TANC2: variants seen among roughly 807,000 people sequenced by gnomAD.
TANC2 encodes protein TANC2.
A neutral mutation model predicts 210.5 loss-of-function variants in TANC2; 26 were observed. The observed-to-expected ratio is 0.12, with a 90% CI of 0.09 to 0.17. The LOEUF is 0.17. TANC2 is among the 10% of genes least tolerant of loss of function. The probability of loss-of-function intolerance (pLI) is 1.00; values close to 1 mark genes in which losing one functional copy is unlikely to be tolerated. For missense variants in TANC2, 2,129 were observed against 2,608.9 expected, an observed-to-expected ratio of 0.82 and a Z score of 4.01; for synonymous variants, 931 against 967.1, an observed-to-expected ratio of 0.96 and a Z score of 0.69.
intron 11 of TANC2, among the ~76,000 whole-genome samples, chr17:63,322,270 G>A (rs556290134): frequency 2.0e-4 from 30 of 152,118 alleles, no homozygotes; most frequent in Non-Finnish European, 2.5e-4. Context: ...AGGCCGAGGC[G>A]GGCGGACCAC....
chr17:63,317,314 C>T (rs2146610042), intron 10 of TANC2, among the ~76,000 whole-genome samples: 1 of 146,746 alleles, frequency 6.8e-6, no homozygotes, highest in East Asian at 2.1e-4. Flanking sequence ...CCCAGCCCGC[C>T]CCCCTCCTTG....
Position 63,140,321 on chromosome 17 carries a change from C to G in TANC2, c.323-10949C>G, listed in dbSNP as rs147633966. On this transcript the variant is annotated intron_variant, in intron 4 of 27. Coordinates refer to ENST00000689528, the Ensembl canonical transcript of TANC2. ...GTCAGAATAGGCTAAACTATATTGC[C>G]ATAACAAACCATCTTTAAAATGGCA... Among the ~76,000 whole-genome samples, 121 of 152,270 alleles carry G rather than the reference C, an allele frequency of 7.9e-4. 1 individual carries two copies. Among genetic ancestry groups the G allele is most frequent in the African/African-American group, 2.9e-3 (119 of 41,556 alleles).
chr17:63,328,040 A>C (rs2146687258), intron 11 of TANC2, among the ~76,000 whole-genome samples: 1 of 152,292 alleles, frequency 6.6e-6, no homozygotes, highest in Non-Finnish European at 1.5e-5. Context: ...TTTTTACAGC[A>C]ACATGGATGC....
intron 8 of TANC2, among the ~76,000 whole-genome samples, chr17:63,262,693 A>G (rs1448678270): frequency 6.6e-6 from 1 of 151,720 alleles, no homozygotes; most frequent in East Asian, 1.9e-4. Context: ...AATAGACTTC[A>G]GTTAAAGCAG....
chr17:62,986,007 A>G (rs752829126), intron 1 of TANC2, among the ~76,000 whole-genome samples: 1 of 152,150 alleles, frequency 6.6e-6, no homozygotes, highest in Admixed American at 6.5e-5. Context: ...AGTAGGCTTC[A>G]TAGGGAAAGA....
chr17:63,307,956 G>A (rs1006206093), intron 9 of TANC2, among the ~76,000 whole-genome samples: 3 of 152,012 alleles, frequency 2.0e-5, no homozygotes, highest in Admixed American at 6.6e-5. Context: ...TAGTAGAGAC[G>A]GGGTTTCACC....
chr17:63,208,302 A>C (rs770646182), intron 7 of TANC2, among the ~76,000 whole-genome samples: 16 of 152,206 alleles, frequency 1.1e-4, no homozygotes, highest in Non-Finnish European at 1.9e-4. Flanking sequence ...TATTGCTGCC[A>C]AAAGCATAAA....
intron 12 of TANC2, among the ~76,000 whole-genome samples, chr17:63,342,825 A>G (rs915167508): frequency 1.3e-5 from 2 of 152,198 alleles, no homozygotes; most frequent in Non-Finnish European, 2.9e-5. Flanking sequence ...CAGCTCTGGC[A>G]TAATTCATAT....
At chr17:63,114,688 C>T (rs540172955) in intron 4 of TANC2, among the ~76,000 whole-genome samples, 155 of 151,930 alleles carry the variant, frequency 1.0e-3, no homozygotes, top group Non-Finnish European at 1.7e-3. Flanking sequence ...GAGTTTAGCA[C>T]GGATGATTAC....
At chr17:63,018,224 C>T (rs1037988318) in intron 2 of TANC2, among the ~76,000 whole-genome samples, 3 of 152,124 alleles carry the variant, frequency 2.0e-5, no homozygotes, top group African/African-American at 7.2e-5. Flanking sequence ...GGCGCCGTGG[C>T]TCATGCCTGT....
intron 1 of TANC2, among the ~76,000 whole-genome samples, chr17:63,006,781 GT>G (rs950152574): frequency 3.3e-4 from 50 of 149,606 alleles, no homozygotes; most frequent in Non-Finnish European, 6.1e-4. Flanking sequence ...ACATATCATA[GT>G]TTTTTTTTTA....
At chr17:63,292,073 A>G (rs2044398603) in intron 9 of TANC2, among the ~76,000 whole-genome samples, 1 of 152,202 alleles carries the variant, frequency 6.6e-6, no homozygotes. Context: ...TAAACATTTT[A>G]AGTTTGAGAT....
intron 7 of TANC2, among the ~76,000 whole-genome samples, chr17:63,218,378 A>G (rs762888435): frequency 1.3e-5 from 2 of 152,228 alleles, no homozygotes; most frequent in Non-Finnish European, 2.9e-5. Flanking sequence ...ACTTAATGGT[A>G]AAAACCTGGA....
chr17:63,407,202 T>G (rs1235971039), intron 21 of TANC2, among the ~76,000 whole-genome samples: 2 of 152,232 alleles, frequency 1.3e-5, no homozygotes, highest in Non-Finnish European at 1.5e-5. Context: ...TAAGATTTTT[T>G]TCCACAGACT....
intron 14 of TANC2, among the ~76,000 whole-genome samples, chr17:63,370,527 T>A (rs1015005187): frequency 6.6e-6 from 1 of 152,214 alleles, no homozygotes; most frequent in Non-Finnish European, 1.5e-5. Flanking sequence ...CCATCCTCTG[T>A]TAGCAATCCC....
intron 4 of TANC2, among the ~76,000 whole-genome samples, chr17:63,144,073 C>G (rs1264841737): frequency 6.6e-6 from 1 of 152,106 alleles, no homozygotes; most frequent in African/African-American, 2.4e-5. Flanking sequence ...CCACACTTAG[C>G]TCTGTATTCT....
intron 4 of TANC2, among the ~76,000 whole-genome samples, chr17:63,128,603 A>G (rs1431799679): frequency 6.6e-6 from 1 of 152,216 alleles, no homozygotes; most frequent in Non-Finnish European, 1.5e-5. Context: ...ATTTTAAGGG[A>G]AAGTGTTTAA....
chr17:63,383,839 A>G (rs1346161053), intron 15 of TANC2, among the ~76,000 whole-genome samples: 3 of 152,206 alleles, frequency 2.0e-5, no homozygotes, highest in African/African-American at 4.8e-5. Context: ...GCGACTGATC[A>G]GTAGTATTTT....
intron 9 of TANC2, among the ~76,000 whole-genome samples, chr17:63,283,283 T>G (rs1200340927): frequency 2.6e-5 from 4 of 152,014 alleles, no homozygotes; most frequent in Non-Finnish European, 5.9e-5. Flanking sequence ...TCCATAGATA[T>G]ATAGTTCTAT....
Sources: allele counts gnomAD v4.1 joint callset (sites outside exome capture counted in the v4.1 genomes callset), GRCh38; gene constraint gnomAD v4.1.1; transcripts MANE v1.5; gene names NCBI Gene and HGNC (gene_info 2026-07-23, HGNC 2026-07-21).